RAPH1: variants seen among roughly 807,000 people sequenced by gnomAD.
RAPH1 encodes the protein Ras association (RalGDS/AF-6) and pleckstrin homology domains 1.
Under a neutral mutation model 88.1 loss-of-function variants are expected in RAPH1, and 18 were observed. The observed-to-expected ratio is 0.20, with a 90% CI of 0.14 to 0.30. The LOEUF is 0.30. Ranked by LOEUF, RAPH1 falls within the 10% of genes least tolerant of loss-of-function variation. The pLI is 1.00. For synonymous variants in RAPH1, 587 were observed against 559.0 expected, an observed-to-expected ratio of 1.05 and a Z score of -0.71; for missense variants, 1,448 against 1,543.2, an observed-to-expected ratio of 0.94 and a Z score of 1.03.
rs764836876 is a variant in RAPH1 at position 203,441,354 on chromosome 2, T to C, written c.1836A>G (p.Gln612=). Residue 612 remains glutamine, a synonymous_variant, in exon 14 of 14, where the codon CAA becomes CAG. Transcript: ENST00000319170. ...YTSLVPPLSP[Q]PKIVTPYTAS... ...CAGTGTAGGGGGTGACTATCTTAGGTTGCGGGGATAAAGGGGGCACAAGTG... is the reference window on the plus strand; with the variant it reads ...CAGTGTAGGGGGTGACTATCTTAGGCTGCGGGGATAAAGGGGGCACAAGTG... 6.3e-6 allele frequency: 10 copies of C among 1,576,510 alleles called. No homozygotes were observed. The East Asian group carries it at 1.8e-4, about 28-fold the overall frequency.
intron 4 of RAPH1, among the ~76,000 whole-genome samples, chr2:203,471,596 G>C (rs115709262): frequency 0.024 from 3,705 of 151,778 alleles, 168 homozygotes; most frequent in African/African-American, 0.085. Context: ...TGGGCGACAA[G>C]TGAAACTCTT....
At position 203,506,874 on chromosome 2, in the gene RAPH1, A is replaced by ATC. The variant is rs1559494989; in HGVS notation, c.1-11522_1-11521insGA. 2.0e-4 allele frequency among the ~76,000 whole-genome samples: 19 copies of ATC among 96,598 alleles called. 2 individuals carry two copies. Among genetic ancestry groups the ATC allele is most frequent in the East Asian group, 9.7e-4 (4 of 4,138 alleles). 63.4% of individuals were successfully genotyped at this position (96,598 alleles called of 152,430 possible). On this transcript the variant is annotated intron_variant, in intron 1 of 13. Coordinates refer to ENST00000319170, the MANE Select transcript of RAPH1 (RefSeq NM_213589.3). ...TCTATATCTATATATATATATATAT[A>ATC]TATATAGATATATATATATATATAT...
At chr2:203,490,267 T>C (rs1171551026) in intron 3 of RAPH1, among the ~76,000 whole-genome samples, 178 bp from the exon 4 acceptor site, 1 of 152,234 alleles carries the variant, frequency 6.6e-6, no homozygotes, top group Non-Finnish European at 1.5e-5. Flanking sequence ...ACAGTCCTCC[T>C]CTTTTAAGGC....
rs1689103665 is a variant in RAPH1 at position 203,506,880 on chromosome 2, AGATATATATATATATATATT to A, written c.1-11547_1-11528del. ...TCTATATATATATATATATATATAT[AGATATATATATATATATATT>A]TTTTTTTTTTTTGAGATGAACTTTC... On this transcript the variant is annotated intron_variant, in intron 1 of 13. Transcript: ENST00000319170. Among the ~76,000 whole-genome samples, 5 of 87,300 alleles carry A rather than the reference AGATATATATATATATATATT, an allele frequency of 5.7e-5. 1 individual carries two copies. Among genetic ancestry groups the A allele is most frequent in the South Asian group, 5.8e-4 (2 of 3,434 alleles). 57.3% of individuals were successfully genotyped at this position (87,300 alleles called of 152,430 possible).
intron 1 of RAPH1, among the ~76,000 whole-genome samples, chr2:203,529,731 T>C (rs1690304970): frequency 6.6e-6 from 1 of 152,256 alleles, no homozygotes; most frequent in African/African-American, 2.4e-5. Flanking sequence ...TGAATATGTT[T>C]ACAGTCCAAT....
chr2:203,508,322 A>G (rs1244088122), intron 1 of RAPH1, among the ~76,000 whole-genome samples: 1 of 151,734 alleles, frequency 6.6e-6, no homozygotes, highest in African/African-American at 2.4e-5. Context: ...TAGTAGAGAC[A>G]GGGTTTCTCC....
intron 1 of RAPH1, among the ~76,000 whole-genome samples, chr2:203,503,684 T>C (rs918037950): frequency 6.6e-6 from 1 of 152,146 alleles, no homozygotes; most frequent in African/African-American, 2.4e-5. Context: ...CTTAACTAAT[T>C]TCAGTATTAA....
chr2:203,460,078 A>G, intron 6 of RAPH1, 50 bp from the exon 7 acceptor site: 1 of 1,500,190 alleles, frequency 6.7e-7, no homozygotes, highest in Non-Finnish European at 9.1e-7. Context: ...TTAGAGTTGC[A>G]TGAAAGACAT....
At chr2:203,486,093 C>A (rs183908858) in intron 4 of RAPH1, among the ~76,000 whole-genome samples, 415 of 121,330 alleles carry the variant, frequency 3.4e-3, no homozygotes, top group South Asian at 5.7e-3. Flanking sequence ...CTGAAGACTA[C>A]AAAAAAAAAA....
At chr2:203,486,093 CA>C (rs59599120) in intron 4 of RAPH1, among the ~76,000 whole-genome samples, 5,486 of 121,778 alleles carry the variant, frequency 0.045, 311 homozygotes, top group African/African-American at 0.16. Flanking sequence ...CTGAAGACTA[CA>C]AAAAAAAAAA....
intron 7 of RAPH1, among the ~76,000 whole-genome samples, chr2:203,458,239 C>T (rs143111027): frequency 8.6e-4 from 131 of 152,116 alleles, no homozygotes; most frequent in African/African-American, 3.0e-3. Context: ...TGTGGCAGCA[C>T]GCACCTGTAG....
chr2:203,447,272 AAAAG>A (rs1411036344), intron 12 of RAPH1: 1 of 151,882 alleles, frequency 6.6e-6, no homozygotes, highest in Non-Finnish European at 1.5e-5. Flanking sequence ...CGAAAAAACA[AAAAG>A]AAACCTCTAT....
chr2:203,485,809 G>A (rs1687940985), intron 4 of RAPH1, among the ~76,000 whole-genome samples: 1 of 152,102 alleles, frequency 6.6e-6, no homozygotes, highest in Non-Finnish European at 1.5e-5. Flanking sequence ...CATCTAGTGT[G>A]TACAGGCCAG....
rs1559494829 is a variant in RAPH1 at position 203,506,856 on chromosome 2, C to CTATATATCTATCTATATCTATA, written c.1-11504_1-11503insTATAGATATAGATAGATATATA. On this transcript the variant is annotated intron_variant, in intron 1 of 13. Transcript: ENST00000319170. Reference sequence around the variant, plus strand: ...TCTATATCTATATATCTATCTATATCTATATATATATATATATATATATAG... The same window carrying CTATATATCTATCTATATCTATA: ...TCTATATCTATATATCTATCTATATCTATATATCTATCTATATCTATATATATATATATATATATATATATAG... 2.6e-3 allele frequency among the ~76,000 whole-genome samples: 80 copies of CTATATATCTATCTATATCTATA among 30,558 alleles called. 1 individual carries two copies. Among genetic ancestry groups the CTATATATCTATCTATATCTATA allele is most frequent in the Non-Finnish European group, 3.7e-3 (68 of 18,288 alleles). The allele number at this position is 30,558 out of a possible 152,430, so 20.0% of individuals were successfully genotyped here.
intron 1 of RAPH1, among the ~76,000 whole-genome samples, chr2:203,531,040 T>C (rs1012321541): frequency 1.3e-5 from 2 of 152,180 alleles, no homozygotes; most frequent in South Asian, 2.1e-4. Flanking sequence ...TGCAAAAGAA[T>C]GAAGTTGGAC....
intron 4 of RAPH1, among the ~76,000 whole-genome samples, chr2:203,474,900 AAGG>A (rs2098536054): frequency 6.6e-6 from 1 of 151,908 alleles, no homozygotes; most frequent in African/African-American, 2.4e-5. Flanking sequence ...CACCTGAGGC[AAGG>A]AGTTCAAGAC....
At chr2:203,491,632 C>T (rs776613384) in intron 2 of RAPH1, among the ~76,000 whole-genome samples, 7 of 152,004 alleles carry the variant, frequency 4.6e-5, no homozygotes, top group East Asian at 3.9e-4. Context: ...GGGATCCTCC[C>T]GAGTAGTTGG....
intron 10 of RAPH1, among the ~76,000 whole-genome samples, chr2:203,451,187 A>G (rs1018749412): frequency 6.6e-6 from 1 of 152,152 alleles, no homozygotes; most frequent in Non-Finnish European, 1.5e-5. Context: ...TTCTGCTAAT[A>G]CATTATTTTA....
intron 4 of RAPH1, among the ~76,000 whole-genome samples, chr2:203,468,278 G>A (rs960617965): frequency 2.6e-5 from 4 of 152,212 alleles, no homozygotes; most frequent in African/African-American, 7.2e-5. Context: ...GAGTGATCTG[G>A]CTTCTCCTGC....
Sources: allele counts gnomAD v4.1 joint callset (sites outside exome capture counted in the v4.1 genomes callset), GRCh38; gene constraint gnomAD v4.1.1; transcripts MANE v1.5; gene names NCBI Gene and HGNC (gene_info 2026-07-23, HGNC 2026-07-21).